The following SGCZ variants were observed in gnomAD, a reference collection of about 807,000 sequenced individuals.
SGCZ encodes zeta-sarcoglycan.
In SGCZ, 40 loss-of-function variants were observed where a neutral mutation model predicts 41.3. That is an observed-to-expected ratio of 0.97 (90% CI 0.75 to 1.26). The LOEUF (loss-of-function observed/expected upper bound fraction) is 1.26. Among genes scored for constraint, SGCZ ranks in the 50% most tolerant of loss-of-function variants. SGCZ has a pLI of 0.00. For missense variants in SGCZ, 552 were observed against 369.8 expected, an observed-to-expected ratio of 1.49 and a Z score of -4.04; for synonymous variants, 206 against 137.5, an observed-to-expected ratio of 1.50 and a Z score of -3.49.
intron 1 of SGCZ, among the ~76,000 whole-genome samples, chr8:14,929,245 C>G (rs1196713328): frequency 2.6e-5 from 4 of 152,160 alleles, no homozygotes; most frequent in African/African-American, 9.7e-5. Flanking sequence ...CCCGCCTCGG[C>G]CTCCCAAAGT....
intron 1 of SGCZ, among the ~76,000 whole-genome samples, chr8:14,966,362 A>G (rs1180975278): frequency 6.6e-6 from 1 of 151,726 alleles, no homozygotes; most frequent in African/African-American, 2.4e-5. Flanking sequence ...TTATTTTATA[A>G]CCAAGAAAAA....
chr8:15,049,607 C>A (rs1034983383), intron 1 of SGCZ, among the ~76,000 whole-genome samples: 1 of 152,122 alleles, frequency 6.6e-6, no homozygotes. Context: ...GTACTGCCAC[C>A]ATGCGCAGCT....
At chr8:15,066,976 A>C (rs1266908279) in intron 1 of SGCZ, among the ~76,000 whole-genome samples, 1 of 152,232 alleles carries the variant, frequency 6.6e-6, no homozygotes, top group Non-Finnish European at 1.5e-5. Context: ...TAAGATAGGA[A>C]TAGTTAATAT....
At chr8:14,793,184 A>G (rs1484439653) in intron 1 of SGCZ, among the ~76,000 whole-genome samples, 1 of 152,164 alleles carries the variant, frequency 6.6e-6, no homozygotes, top group South Asian at 2.1e-4. Flanking sequence ...TATGTCCAAA[A>G]TGTAGCTGAA....
chr8:15,044,622 A>C (rs1394478143), intron 1 of SGCZ, among the ~76,000 whole-genome samples: 4 of 152,140 alleles, frequency 2.6e-5, no homozygotes, highest in Admixed American at 1.3e-4. Flanking sequence ...AATTGTGTTC[A>C]ATGAGGAAAA....
intron 2 of SGCZ, among the ~76,000 whole-genome samples, chr8:14,349,860 G>C (rs1252205331): frequency 6.6e-6 from 1 of 152,086 alleles, no homozygotes; most frequent in Non-Finnish European, 1.5e-5. Flanking sequence ...AAATAAGTTA[G>C]AAATCATATA....
At chr8:15,186,894 C>A (rs1285894679) in intron 1 of SGCZ, among the ~76,000 whole-genome samples, 2 of 152,052 alleles carry the variant, frequency 1.3e-5, no homozygotes, top group Non-Finnish European at 2.9e-5. Context: ...GCTTTATTGA[C>A]TAGTATTCAA....
rs966576031 is a variant in SGCZ, at chr8:14,894,471, C to T, written c.40-339545G>A. Among the ~76,000 whole-genome samples the T allele has an allele frequency of 2.6e-5, 4 of 152,074 alleles. No homozygotes were observed. In the South Asian group the frequency reaches 6.2e-4, roughly 24 times the overall value. On this transcript the variant is annotated intron_variant, in intron 1 of 7. Transcript: ENST00000382080. ...AATCTGTCAGTATCCCCTTAGTGAT[C>T]GCTCTAGACAGAAATGGACAAGGAC...
chr8:14,858,711 A>G (rs542174031), intron 1 of SGCZ, among the ~76,000 whole-genome samples: 1 of 152,178 alleles, frequency 6.6e-6, no homozygotes, highest in Non-Finnish European at 1.5e-5. Flanking sequence ...CTGATTTTGT[A>G]ACATAATACA....
chr8:14,763,613 C>T lies in SGCZ; in HGVS notation c.40-208687G>A, dbSNP rs113243748. Among the ~76,000 whole-genome samples, 872 of 152,152 alleles carry T rather than the reference C, an allele frequency of 5.7e-3. 14 individuals are homozygous for T. Among genetic ancestry groups the T allele is most frequent in the African/African-American group, 0.02 (823 of 41,502 alleles). On this transcript the variant is annotated intron_variant, in intron 1 of 7. Coordinates refer to ENST00000382080, the MANE Select transcript of SGCZ (RefSeq NM_139167.4). ...CTCCAGTTAAACTTGGAAAAGTTTACGTAATGATCATGTAAGTCTACAAAA... is the reference window on the plus strand; with the variant it reads ...CTCCAGTTAAACTTGGAAAAGTTTATGTAATGATCATGTAAGTCTACAAAA...
chr8:14,706,110 C>T lies in SGCZ; in HGVS notation c.40-151184G>A, dbSNP rs182890267. On this transcript the variant is annotated intron_variant, in intron 1 of 7. Transcript: ENST00000382080. ...TTTTTCCTCCAAAATCTAGAATTTTCCCCCCCATGGTCTAATAGCTTTTAG... is the reference window on the plus strand; with the variant it reads ...TTTTTCCTCCAAAATCTAGAATTTTTCCCCCCATGGTCTAATAGCTTTTAG... 1.5e-3 allele frequency among the ~76,000 whole-genome samples: 228 copies of T among 151,930 alleles called. 2 individuals are homozygous for T. Among genetic ancestry groups the T allele is most frequent in the African/African-American group, 3.8e-3 (156 of 41,484 alleles).
At chr8:14,688,684 T>A (rs1808698971) in intron 1 of SGCZ, among the ~76,000 whole-genome samples, 1 of 152,144 alleles carries the variant, frequency 6.6e-6, no homozygotes, top group African/African-American at 2.4e-5. Context: ...GCGGGCTCTT[T>A]TTTGGTGCCA....
Position 14,085,253 on chromosome 8 carries a change from C to A in SGCZ, c.*5190G>T, listed in dbSNP as rs1307934391. Among the ~76,000 whole-genome samples the A allele has an allele frequency of 2.0e-5, 3 of 151,578 alleles. No individual in the cohort carries two copies. Among genetic ancestry groups the A allele is most frequent in the Non-Finnish European group, 4.4e-5 (3 of 67,750 alleles). ...CATAGTATGTGTAAGAAAATAGTTC[C>A]ATTTTTCATATATCTATATATACAA... is the stretch of plus-strand genomic sequence containing the variant. On this transcript the variant is annotated 3_prime_UTR_variant, in exon 8 of 8. Coordinates refer to ENST00000382080, the MANE Select transcript of SGCZ (RefSeq NM_139167.4).
At chr8:14,096,499 C>T (rs560130864) in intron 7 of SGCZ, among the ~76,000 whole-genome samples, 70 of 152,216 alleles carry the variant, frequency 4.6e-4, no homozygotes, top group African/African-American at 1.6e-3. Context: ...CTGCTGGATT[C>T]GGTTTGCCAG....
chr8:14,460,173 AC>A (rs1190033404), intron 2 of SGCZ, among the ~76,000 whole-genome samples: 3 of 152,210 alleles, frequency 2.0e-5, no homozygotes, highest in Non-Finnish European at 4.4e-5. Flanking sequence ...TAACTTTGCA[AC>A]TTTTCTGTAA....
intron 1 of SGCZ, among the ~76,000 whole-genome samples, chr8:14,987,313 G>A (rs1381683114): frequency 1.3e-5 from 2 of 151,824 alleles, no homozygotes; most frequent in Non-Finnish European, 2.9e-5. Context: ...TCCAGGAGAG[G>A]AAATATTCAA....
chr8:14,443,755 G>C (rs1426532755), intron 2 of SGCZ, among the ~76,000 whole-genome samples: 1 of 151,928 alleles, frequency 6.6e-6, no homozygotes, highest in African/African-American at 2.4e-5. Flanking sequence ...GCATAGGCAA[G>C]GACTTCATGT....
intron 1 of SGCZ, among the ~76,000 whole-genome samples, chr8:15,149,083 G>C (rs1025188509): frequency 6.6e-6 from 1 of 152,172 alleles, no homozygotes; most frequent in African/African-American, 2.4e-5. Flanking sequence ...TGTCTGTTAA[G>C]TGTCCCTGTT....
At chr8:14,949,178 C>A (rs1197340987) in intron 1 of SGCZ, among the ~76,000 whole-genome samples, 1 of 152,050 alleles carries the variant, frequency 6.6e-6, no homozygotes, top group Non-Finnish European at 1.5e-5. Context: ...AGTGTTTTAG[C>A]TGGAAGCTGT....
Sources: gnomAD v4.1 joint callset for allele counts (sites outside exome capture counted in the v4.1 genomes callset) on GRCh38, gnomAD v4.1.1 for gene constraint, MANE v1.5 for transcripts, NCBI Gene and HGNC (gene_info 2026-07-23, HGNC 2026-07-21) for gene names.